The following CSMD1 variants were observed in gnomAD, a reference collection of about 807,000 sequenced individuals.
The protein encoded by CSMD1 is CUB and sushi domain-containing protein 1.
A neutral mutation model predicts 417.5 loss-of-function variants in CSMD1; 213 were observed. That is an observed-to-expected ratio of 0.51 (90% CI 0.46 to 0.57). CSMD1 has a LOEUF of 0.57. CSMD1 is among the 20% of genes least tolerant of loss of function. The pLI, the probability that CSMD1 is intolerant of heterozygous loss-of-function variation, is 0.00. For synonymous variants in CSMD1, 2,862 were observed against 1,736.8 expected (o/e 1.65, Z -16.11); for missense variants, 6,923 against 4,529.7 (o/e 1.53, Z -15.17).
intron 10 of CSMD1, among the ~76,000 whole-genome samples, chr8:3,503,210 G>T (rs1037703527): frequency 2.0e-5 from 3 of 152,044 alleles, no homozygotes; most frequent in Admixed American, 1.3e-4. Context: ...ACAAAGAAAG[G>T]GAGTTAGAAA....
At position 4,139,577 on chromosome 8, in the gene CSMD1, T is replaced by C. The variant is rs187649170; in HGVS notation, c.416-107478A>G. Among the ~76,000 whole-genome samples the C allele has an allele frequency of 9.9e-5, 15 of 151,238 alleles. No individual in the cohort carries two copies. The East Asian group carries it at 2.9e-3, about 29-fold the overall frequency. On this transcript the variant is annotated intron_variant, in intron 3 of 69. Transcript: ENST00000635120. ...TCTGCATATAGCTCCCTGAGCTGCC[T>C]ATGGAACTGAGTGGGCATCAAGGGG...
chr8:3,803,111 T>C (rs1203098357), intron 5 of CSMD1, among the ~76,000 whole-genome samples: 1 of 152,206 alleles, frequency 6.6e-6, no homozygotes, highest in Non-Finnish European at 1.5e-5. Context: ...GTTCTCTCCA[T>C]CATGCTGTCT....
chr8:3,892,490 C>A (rs367743680), intron 5 of CSMD1, among the ~76,000 whole-genome samples: 2 of 151,830 alleles, frequency 1.3e-5, no homozygotes, highest in Non-Finnish European at 2.9e-5. Flanking sequence ...GCAAGAGGAT[C>A]TAAGAGACCG....
chr8:4,842,763 G>C (rs1342390053), intron 1 of CSMD1, among the ~76,000 whole-genome samples: 1 of 152,200 alleles, frequency 6.6e-6, no homozygotes, highest in Non-Finnish European at 1.5e-5. Context: ...GCATTGAAAA[G>C]CAGAAATTAA....
chr8:4,700,329 A>T (rs1010205840), intron 1 of CSMD1, among the ~76,000 whole-genome samples: 3 of 151,948 alleles, frequency 2.0e-5, no homozygotes, highest in African/African-American at 7.2e-5. Flanking sequence ...TTTTATCATT[A>T]ATCTATTATT....
intron 1 of CSMD1, among the ~76,000 whole-genome samples, chr8:4,923,327 G>C (rs543257736): frequency 3.9e-5 from 6 of 152,146 alleles, no homozygotes; most frequent in Non-Finnish European, 5.9e-5. Context: ...TATTGGTTAG[G>C]AGCATGAACA....
intron 5 of CSMD1, among the ~76,000 whole-genome samples, chr8:3,824,300 C>G (rs17067689): frequency 6.6e-6 from 1 of 151,218 alleles, no homozygotes; most frequent in East Asian, 1.9e-4. Flanking sequence ...TGTTAACAAA[C>G]GGGCACAACA....
At chr8:3,788,971 T>C (rs1019735097) in intron 5 of CSMD1, among the ~76,000 whole-genome samples, 13 of 152,196 alleles carry the variant, frequency 8.5e-5, no homozygotes, top group African/African-American at 3.1e-4. Flanking sequence ...GCAGATAATC[T>C]GATTCCAAAT....
At chr8:4,091,278 A>C (rs577866009) in intron 3 of CSMD1, among the ~76,000 whole-genome samples, 15 of 152,296 alleles carry the variant, frequency 9.8e-5, no homozygotes, top group African/African-American at 3.1e-4. Flanking sequence ...ATAATCTAAT[A>C]AAATTTCCAA....
At chr8:4,105,926 G>C (rs79765002) in intron 3 of CSMD1, among the ~76,000 whole-genome samples, 1 of 152,142 alleles carries the variant, frequency 6.6e-6, no homozygotes, top group African/African-American at 2.4e-5. Flanking sequence ...CCCAAGGTTC[G>C]GTGCGTCCTG....
intron 7 of CSMD1, among the ~76,000 whole-genome samples, chr8:3,704,230 C>G (rs533442588): frequency 2.9e-4 from 44 of 152,202 alleles, no homozygotes; most frequent in African/African-American, 9.9e-4. Flanking sequence ...AAAAATAGAG[C>G]AGCCTGGGAA....
At chr8:3,935,970 A>C (rs1253357878) in intron 5 of CSMD1, among the ~76,000 whole-genome samples, 1 of 152,186 alleles carries the variant, frequency 6.6e-6, no homozygotes, top group Non-Finnish European at 1.5e-5. Context: ...AGTTCTTGAA[A>C]TATAGTAAAA....
chr8:3,764,108 C>T (rs774896444), intron 5 of CSMD1, among the ~76,000 whole-genome samples: 2 of 152,158 alleles, frequency 1.3e-5, no homozygotes, highest in African/African-American at 4.8e-5. Flanking sequence ...AAAGACATGA[C>T]TAGAGGCGAC....
At chr8:4,017,003 A>G (rs144260272) in intron 4 of CSMD1, among the ~76,000 whole-genome samples, 3 of 152,332 alleles carry the variant, frequency 2.0e-5, no homozygotes, top group Non-Finnish European at 4.4e-5. Flanking sequence ...AACAGAAATC[A>G]TAGAAGACTT....
intron 3 of CSMD1, among the ~76,000 whole-genome samples, chr8:4,309,635 A>C (rs565005602): frequency 7.4e-4 from 112 of 152,282 alleles, no homozygotes; most frequent in African/African-American, 2.6e-3. Context: ...GGGAAGGGGC[A>C]TACTGCTACT....
chr8:3,024,672 G>C (rs1361227840), intron 51 of CSMD1, among the ~76,000 whole-genome samples: 1 of 152,130 alleles, frequency 6.6e-6, no homozygotes, highest in African/African-American at 2.4e-5. Context: ...TTTAAAGGTG[G>C]TGTAATTCTC....
chr8:3,415,782 G>C (rs979460827), intron 12 of CSMD1, among the ~76,000 whole-genome samples: 5 of 152,122 alleles, frequency 3.3e-5, no homozygotes, highest in South Asian at 2.1e-4. Flanking sequence ...CTGAGATCTG[G>C]AAAAATGGAA....
At chr8:4,059,890 C>G (rs1392445752) in intron 3 of CSMD1, among the ~76,000 whole-genome samples, 5 of 151,506 alleles carry the variant, frequency 3.3e-5, no homozygotes, top group Non-Finnish European at 5.9e-5. Context: ...ACCATTCCTT[C>G]TGAAACTATT....
At chr8:3,907,686 G>A (rs1289273587) in intron 5 of CSMD1, among the ~76,000 whole-genome samples, 1 of 152,182 alleles carries the variant, frequency 6.6e-6, no homozygotes, top group African/African-American at 2.4e-5. Flanking sequence ...GATCCTGAGA[G>A]CAATGTGGAC....
Sources: allele counts gnomAD v4.1 joint callset (sites outside exome capture counted in the v4.1 genomes callset), GRCh38; gene constraint gnomAD v4.1.1; transcripts MANE v1.5; gene names NCBI Gene and HGNC (gene_info 2026-07-23, HGNC 2026-07-21).